Variants in CHN2 observed in about 807,000 individuals in gnomAD.
CHN2 encodes the protein chimerin 2.
CHN2 carries 35 observed loss-of-function variants against 56.3 expected under a neutral mutation model. The ratio of observed to expected loss-of-function variants is 0.62; its 90% CI spans 0.47 to 0.82. CHN2 has a LOEUF of 0.82. Among genes scored for constraint, CHN2 ranks in the 40% least tolerant of loss-of-function variants. CHN2 has a pLI of 0.00. For missense variants in CHN2, 491 were observed against 580.5 expected (o/e 0.85, Z 1.58); for synonymous variants, 210 against 212.8 (o/e 0.99, Z 0.12).
chr7:29,454,203 G>A (rs769250221), intron 6 of CHN2, among the ~76,000 whole-genome samples: 1 of 150,944 alleles, frequency 6.6e-6, no homozygotes, highest in Non-Finnish European at 1.5e-5. Flanking sequence ...AAAGAAAGGG[G>A]AGAAGGGCAT....
At chr7:29,278,884 G>A (rs1400176541) in intron 1 of CHN2, among the ~76,000 whole-genome samples, 3 of 152,040 alleles carry the variant, frequency 2.0e-5, no homozygotes, top group Non-Finnish European at 4.4e-5. Flanking sequence ...CTAGACTCGC[G>A]AGGCTGCCAC....
chr7:29,495,960 G>A lies in CHN2; in HGVS notation c.663G>A (p.Thr221=), dbSNP rs759715921. The A allele has an allele frequency of 8.1e-6, 13 of 1,612,978 alleles. No homozygotes were observed. In the Admixed American group the frequency reaches 1.2e-4, roughly 15 times the overall value. The change falls in exon 8 of 13, where the codon ACG becomes ACA. Residue 221 remains threonine (T), a synonymous_variant. Transcript: ENST00000222792. ...YEKTHNFKVH[T]FRGPHWCEYC... The stretch of plus-strand genomic sequence containing the variant: ...TTCTTTTTGGATCACAGGTCCACAC[G>A]TTCCGAGGCCCACACTGGTGTGAAT...
At chr7:29,317,547 A>G (rs749317766) in intron 1 of CHN2, among the ~76,000 whole-genome samples, 15 of 152,358 alleles carry the variant, frequency 9.8e-5, no homozygotes, top group Middle Eastern at 6.8e-3. Context: ...TCCAGGTGAT[A>G]TACATGCATA....
chr7:29,270,695 A>G (rs1790565020), intron 1 of CHN2, among the ~76,000 whole-genome samples: 1 of 151,732 alleles, frequency 6.6e-6, no homozygotes, highest in East Asian at 1.9e-4. Flanking sequence ...AAAATGATCT[A>G]AAAGTTTATT....
intron 1 of CHN2, among the ~76,000 whole-genome samples, chr7:29,338,210 C>T (rs1373658937): frequency 6.6e-6 from 1 of 152,118 alleles, no homozygotes; most frequent in African/African-American, 2.4e-5. Flanking sequence ...ATGTTACTGG[C>T]CATAATTTAT....
chr7:29,269,473 T>C (rs1312004824), intron 1 of CHN2, among the ~76,000 whole-genome samples: 1 of 152,248 alleles, frequency 6.6e-6, no homozygotes, highest in Non-Finnish European at 1.5e-5. Flanking sequence ...TTAGGTTGAC[T>C]CCATATCTTG....
Position 29,414,273 on chromosome 7 carries a change from G to A in CHN2, c.576+13445G>A, listed in dbSNP as rs974466731. Among the ~76,000 whole-genome samples, 5 of 152,070 alleles carry A rather than the reference G, an allele frequency of 3.3e-5. No homozygotes were observed. The East Asian group carries it at 5.8e-4, about 18-fold the overall frequency. ...CTCAGTGTAGCTTTGAAACACCCCC[G>A]AACTCTGGGATTGTAAAATGATATA... is the stretch of plus-strand genomic sequence containing the variant. On this transcript the variant is annotated intron_variant, in intron 6 of 12. Transcript: ENST00000222792.
rs900350922 is a variant in CHN2 at position 29,387,481 on chromosome 7, G to A, written c.145-6198G>A. Among the ~76,000 whole-genome samples the A allele has an allele frequency of 1.3e-4, 20 of 152,308 alleles. No homozygotes were observed. In the East Asian group the frequency reaches 3.9e-3, roughly 29 times the overall value. ...TATTTGCTATTGGGACTTGCTAAAA[G>A]CCATTCCCAATTAGAAACCAGCTAT... is the stretch of plus-strand genomic sequence containing the variant. On this transcript the variant is annotated intron_variant, in intron 3 of 12. Coordinates refer to ENST00000222792, the MANE Select transcript of CHN2 (RefSeq NM_004067.4).
At chr7:29,243,933 GC>G (rs1388280160) in intron 1 of CHN2, among the ~76,000 whole-genome samples, 1 of 152,182 alleles carries the variant, frequency 6.6e-6, no homozygotes, top group Non-Finnish European at 1.5e-5. Flanking sequence ...AACATTCAGT[GC>G]CTCTCTTTTT....
In CHN2 at chr7:29,334,049, C is replaced by CTT. The variant is rs70980529; in HGVS notation, c.50-20557_50-20556dup. On this transcript the variant is annotated intron_variant, in intron 1 of 12. Transcript: ENST00000222792. ...CCAAATGATAAATTCAATTTCTTTT[C>CTT]TTTTTTTTTTTTTTTTTTTTGAGAC... 7.6e-4 allele frequency among the ~76,000 whole-genome samples: 94 copies of CTT among 123,110 alleles called. 1 individual carries two copies. The highest frequency in any genetic ancestry group is 4.5e-3 in the Middle Eastern group (1 of 224). 80.8% of individuals were successfully genotyped at this position (123,110 alleles called of 152,430 possible). A position where few individuals can be genotyped will look rare whatever the true frequency, so the allele number is the denominator to read the frequency against.
chr7:29,461,864 AT>A (rs1785190974), intron 6 of CHN2, among the ~76,000 whole-genome samples: 2 of 149,740 alleles, frequency 1.3e-5, no homozygotes, highest in African/African-American at 5.1e-5. Flanking sequence ...GGATGGATGG[AT>A]GGATGGAAGG....
At chr7:29,300,027 A>G (rs1181772131) in intron 1 of CHN2, among the ~76,000 whole-genome samples, 1 of 152,214 alleles carries the variant, frequency 6.6e-6, no homozygotes. Flanking sequence ...TAGACTGGGA[A>G]GAAAGATGGG....
At position 29,400,784 on chromosome 7, in the gene CHN2, A is replaced by C; in HGVS notation, c.532A>C (p.Arg178=). Residue 178 remains arginine (R), a synonymous_variant, in exon 6 of 13, where the codon AGA becomes CGA. Transcript: ENST00000222792. ...GCTGAGCAGGTCTAAAAATGAACCA[A>C]GAAAAACAAACGTCACACATGAAGA... is the stretch of plus-strand genomic sequence containing the variant. ...RRLSRSKNEP[R]KTNVTHEEHT... is the part of the protein sequence containing the mutation. The C allele has an allele frequency of 6.2e-7, 1 of 1,614,118 alleles. No homozygotes were observed. The highest frequency in any genetic ancestry group is 8.5e-7 in the Non-Finnish European group (1 of 1,180,024).
intron 6 of CHN2, among the ~76,000 whole-genome samples, chr7:29,402,069 G>A (rs910195456): frequency 8.5e-5 from 13 of 152,158 alleles, no homozygotes; most frequent in South Asian, 6.2e-4. Flanking sequence ...TAGTTAAACC[G>A]GAACGGGCCT....
intron 6 of CHN2, 138 bp from the exon 7 acceptor site, chr7:29,480,141 G>T (rs1377848481): frequency 1.9e-6 from 3 of 1,565,470 alleles, no homozygotes; most frequent in Non-Finnish European, 2.6e-6. Context: ...GCTGGAAAAT[G>T]AGAAAAAGTG....
chr7:29,262,497 G>A (rs980515215), intron 1 of CHN2, among the ~76,000 whole-genome samples: 2 of 152,214 alleles, frequency 1.3e-5, no homozygotes, highest in African/African-American at 2.4e-5. Context: ...AGATGATAAA[G>A]ATCTTTCTTT....
chr7:29,273,363 A>ATATATATATGTGTATATATATATATG (rs1554387242), intron 1 of CHN2, among the ~76,000 whole-genome samples: 1 of 69,856 alleles, frequency 1.4e-5, no homozygotes, highest in African/African-American at 6.5e-5. Flanking sequence ...ATATATATAT[A>ATATATATATGTGTATATATATATATG]TATATATATA....
At chr7:29,211,450 GCACACACACACACACACACACACA>G (rs148200755) in intron 1 of CHN2, among the ~76,000 whole-genome samples, 2 of 138,360 alleles carry the variant, frequency 1.4e-5, no homozygotes, top group Admixed American at 1.4e-4. Flanking sequence ...CTGCATGTTG[GCACACACACACACACACACACACA>G]CACACACACA....
chr7:29,292,494 C>A (rs932119082), intron 1 of CHN2, among the ~76,000 whole-genome samples: 4 of 152,236 alleles, frequency 2.6e-5, no homozygotes, highest in Non-Finnish European at 2.9e-5. Context: ...TATTGATTCA[C>A]CCCTGCCAAT....
Sources: allele counts gnomAD v4.1 joint callset (sites outside exome capture counted in the v4.1 genomes callset), GRCh38; gene constraint gnomAD v4.1.1; transcripts MANE v1.5; gene names NCBI Gene and HGNC (gene_info 2026-07-23, HGNC 2026-07-21).